SH3BP5: variants seen among roughly 807,000 people sequenced by gnomAD.
SH3BP5 encodes the protein SH3 domain binding protein 5, also known as SH3 domain-binding protein 5.
A neutral mutation model predicts 43.3 loss-of-function variants in SH3BP5; 22 were observed. The ratio of observed to expected loss-of-function variants is 0.51; its 90% CI spans 0.36 to 0.73. The LOEUF (loss-of-function observed/expected upper bound fraction) is 0.73, where lower values mean the gene tolerates loss of function less well. Ranked by LOEUF, SH3BP5 falls within the 30% of genes least tolerant of loss-of-function variation. The pLI, the probability that SH3BP5 is intolerant of heterozygous loss-of-function variation, is 0.00. For missense variants in SH3BP5, 529 were observed against 586.9 expected (o/e 0.90, Z 1.02); for synonymous variants, 255 against 225.8 (o/e 1.13, Z -1.16).
upstream of SH3BP5, among the ~76,000 whole-genome samples, chr3:15,333,517 G>C (rs1698662941): frequency 6.6e-6 from 1 of 152,178 alleles, no homozygotes; most frequent in South Asian, 2.1e-4. Context: ...TACAAAACCT[G>C]GGTCTGGCAC....
At chr3:15,257,335 C>T in intron 7 of SH3BP5, 1 of 545,046 alleles carries the variant, frequency 1.8e-6, no homozygotes. Flanking sequence ...TATTAAGCGC[C>T]CTTCCAATAA....
chr3:15,257,100 G>A lies in SH3BP5; in HGVS notation c.903C>T (p.Ala301=). The A allele has an allele frequency of 6.2e-7, 1 of 1,613,808 alleles. No homozygotes were observed. The highest frequency in any genetic ancestry group is 8.5e-7 in the Non-Finnish European group (1 of 1,179,736). ...EPDAISVASE[A]FEDDSCSNFV... The stretch of plus-strand genomic sequence containing the variant: ...AGTTGCTACAGCTGTCATCTTCAAA[G>A]GCCTCCGAGGCCACTAAGTTGAGAG... Residue 301 remains alanine (A), a synonymous_variant, in exon 8 of 9, where the codon GCC becomes GCT. Coordinates refer to ENST00000383791, the MANE Select transcript of SH3BP5 (RefSeq NM_004844.5).
At chr3:15,260,090 G>C (rs920798448) in intron 5 of SH3BP5, 26 of 470,914 alleles carry the variant, frequency 5.5e-5, no homozygotes, top group Non-Finnish European at 9.6e-5. Context: ...CTTAGCTCAT[G>C]TTCCTCCTCT....
chr3:15,293,915 T>C (rs1423721683), intron 3 of SH3BP5, among the ~76,000 whole-genome samples: 1 of 151,610 alleles, frequency 6.6e-6, no homozygotes, highest in African/African-American at 2.4e-5. Flanking sequence ...CTGTCTCTAC[T>C]AAAAATACAA....
intron 2 of SH3BP5, among the ~76,000 whole-genome samples, chr3:15,308,144 C>A (rs1697960916): frequency 6.6e-6 from 1 of 152,216 alleles, no homozygotes; most frequent in South Asian, 2.1e-4. Flanking sequence ...AGGTTCCCTG[C>A]CCAGCCGCTA....
At chr3:15,263,140 T>C (rs748724084) in intron 4 of SH3BP5, among the ~76,000 whole-genome samples, 10 of 151,730 alleles carry the variant, frequency 6.6e-5, no homozygotes, top group Non-Finnish European at 1.2e-4. Flanking sequence ...AGAAAGAAAA[T>C]GGAAAAACAA....
intron 3 of SH3BP5, among the ~76,000 whole-genome samples, chr3:15,297,767 C>T (rs1035219168): frequency 6.6e-5 from 10 of 152,080 alleles, no homozygotes; most frequent in Admixed American, 1.3e-4. Flanking sequence ...TAGCTGACCA[C>T]CAACCAACTG....
At chr3:15,310,321 A>G (rs1316608375) in intron 2 of SH3BP5, among the ~76,000 whole-genome samples, 1 of 152,234 alleles carries the variant, frequency 6.6e-6, no homozygotes, top group Non-Finnish European at 1.5e-5. Flanking sequence ...AGCCATGTGT[A>G]TAAGGAGCAG....
chr3:15,332,804 G>A (rs553266157), upstream of SH3BP5, among the ~76,000 whole-genome samples: 3 of 152,254 alleles, frequency 2.0e-5, no homozygotes, highest in South Asian at 6.2e-4. Context: ...CGTAACGCAA[G>A]CCTCCCGCTT....
At chr3:15,277,814 C>CG (rs1319981850) in intron 3 of SH3BP5, among the ~76,000 whole-genome samples, 5 of 152,034 alleles carry the variant, frequency 3.3e-5, no homozygotes, top group South Asian at 4.2e-4. Flanking sequence ...ATGCATACAC[C>CG]CCCCCAGCAC....
intron 2 of SH3BP5, among the ~76,000 whole-genome samples, chr3:15,307,143 T>TCAACAATCCTAA (rs1697933009): frequency 6.6e-6 from 1 of 152,106 alleles, no homozygotes; most frequent in African/African-American, 2.4e-5. Flanking sequence ...TGGGAGCACC[T>TCAACAATCCTAA]CAGCTCCCGA....
chr3:15,292,365 A>T (rs1697436473), intron 3 of SH3BP5, among the ~76,000 whole-genome samples: 1 of 152,154 alleles, frequency 6.6e-6, no homozygotes, highest in Admixed American at 6.5e-5. Flanking sequence ...TGCCTCTGTG[A>T]ATAGCAAAGG....
chr3:15,302,755 C>T (rs1697787017), intron 3 of SH3BP5, among the ~76,000 whole-genome samples: 1 of 152,118 alleles, frequency 6.6e-6, no homozygotes, highest in Non-Finnish European at 1.5e-5. Flanking sequence ...ACACTGTGCA[C>T]ATACACAGTA....
intron 3 of SH3BP5, among the ~76,000 whole-genome samples, chr3:15,275,467 T>TATTTAATA (rs1696935877): frequency 6.6e-6 from 1 of 152,214 alleles, no homozygotes; most frequent in Non-Finnish European, 1.5e-5. Context: ...CAGGCCCTGG[T>TATTTAATA]ATTTAATACA....
At chr3:15,314,924 C>T (rs572849284) in intron 2 of SH3BP5, among the ~76,000 whole-genome samples, 16 of 152,168 alleles carry the variant, frequency 1.1e-4, no homozygotes, top group African/African-American at 2.4e-4. Context: ...GACTTGCCAC[C>T]GTGTTTCCAA....
At chr3:15,286,555 C>A (rs1197060603) in intron 3 of SH3BP5, among the ~76,000 whole-genome samples, 2 of 152,096 alleles carry the variant, frequency 1.3e-5, no homozygotes, top group African/African-American at 4.8e-5. Flanking sequence ...TTTTTTATTT[C>A]TTTTGTTTTT....
intron 3 of SH3BP5, among the ~76,000 whole-genome samples, chr3:15,275,385 A>G (rs1404180886): frequency 1.3e-5 from 2 of 152,260 alleles, no homozygotes; most frequent in African/African-American, 4.8e-5. Flanking sequence ...TCTCACCATC[A>G]TATGAAAGAT....
At position 15,262,253 on chromosome 3, in the gene SH3BP5, G is replaced by C; in HGVS notation, c.532C>G (p.Leu178Val). The change falls in exon 5 of 9, where the codon CTG becomes GTG. Residue 178 changes from leucine to valine, a missense_variant. Transcript: ENST00000383791. Reference protein sequence around the residue: ...EAEQTKTRSELVHKETAARYN... With the variant: ...EAEQTKTRSEVVHKETAARYN... ...CTGGCTGCCGTCTCCTTATGCACCAGCTCGCTCCTGGTCTTGGTCTGCTCC... is the reference window on the plus strand; with the variant it reads ...CTGGCTGCCGTCTCCTTATGCACCACCTCGCTCCTGGTCTTGGTCTGCTCC... 3 of 1,614,150 alleles carry C rather than the reference G, an allele frequency of 1.9e-6. No homozygotes were observed. Among genetic ancestry groups the C allele is most frequent in the Non-Finnish European group, 2.5e-6 (3 of 1,180,028 alleles).
intron 2 of SH3BP5, among the ~76,000 whole-genome samples, chr3:15,316,469 G>A (rs1428206212): frequency 6.6e-6 from 1 of 151,870 alleles, no homozygotes; most frequent in Non-Finnish European, 1.5e-5. Context: ...GTGATCCGCT[G>A]GCCTCGGCCT....
Sources: allele counts gnomAD v4.1 joint callset (sites outside exome capture counted in the v4.1 genomes callset), GRCh38; gene constraint gnomAD v4.1.1; transcripts MANE v1.5; gene names NCBI Gene and HGNC (gene_info 2026-07-23, HGNC 2026-07-21).